SLC19A2: variants seen among roughly 807,000 people sequenced by gnomAD.
SLC19A2 encodes the protein thiamine transporter 1.
In SLC19A2, 27 loss-of-function variants were observed where a neutral mutation model predicts 44.7. That is an observed-to-expected ratio of 0.60 (90% CI 0.45 to 0.83). The LOEUF (loss-of-function observed/expected upper bound fraction) is 0.83. Among genes scored for constraint, SLC19A2 ranks in the 40% least tolerant of loss-of-function variants. The probability of loss-of-function intolerance (pLI) is 0.00; values close to 1 mark genes in which losing one functional copy is unlikely to be tolerated. For synonymous variants in SLC19A2, 239 were observed against 243.6 expected, an observed-to-expected ratio of 0.98 and a Z score of 0.18; for missense variants, 566 against 613.7, an observed-to-expected ratio of 0.92 and a Z score of 0.82.
In SLC19A2 at chr1:169,477,791, A is replaced by G. The variant is rs910954261; in HGVS notation, c.205-34T>C. ...AAGAGAAAAAAAAAAAACAAAAAAC[A>G]TTAGTGATGAAAGGACCTGGAATAC... On this transcript the variant is annotated intron_variant, in intron 1 of 5. Transcript: ENST00000236137. The G allele has an allele frequency of 2.5e-6, 4 of 1,574,126 alleles. No homozygotes were observed. In the African/African-American group the frequency reaches 4.1e-5, roughly 16 times the overall value.
At position 169,485,552 on chromosome 1, in the gene SLC19A2, G is replaced by A. The variant is rs963610917; in HGVS notation, c.204+11C>T. ...CCCGCCCTTCCCGCGCCCCGCGTCC[G>A]CCGCGCGTACCTCCCTCTCGGTCAG... On this transcript the variant is annotated intron_variant, in intron 1 of 5. Transcript: ENST00000236137. 2 of 1,578,182 alleles carry A rather than the reference G, an allele frequency of 1.3e-6. No individual in the cohort carries two copies. Among genetic ancestry groups the A allele is most frequent in the African/African-American group, 2.7e-5 (2 of 73,898 alleles).
intron 2 of SLC19A2, among the ~76,000 whole-genome samples, chr1:169,473,435 C>T (rs1202449899): frequency 6.7e-6 from 1 of 149,618 alleles, no homozygotes; most frequent in Non-Finnish European, 1.5e-5. Context: ...TAGCAGACAT[C>T]GTGTTTCACT....
rs1249588802 is a variant in SLC19A2 at position 169,464,771 on chromosome 1, A to C, written c.*1078T>G. 10 of 152,622 alleles carry C rather than the reference A, an allele frequency of 6.6e-5. No individual in the cohort carries two copies. The highest frequency in any genetic ancestry group is 6.5e-5 in the Admixed American group (1 of 15,278). 9.5% of individuals were successfully genotyped at this position (152,622 alleles called of 1,614,324 possible). On this transcript the variant is annotated 3_prime_UTR_variant, in exon 6 of 6. Coordinates refer to ENST00000236137, the MANE Select transcript of SLC19A2 (RefSeq NM_006996.3). ...AAACAAAGGCAGATTTAAGGTAAAA[A>C]AATGCAGGAATCACATCTATCCTAG...
At position 169,464,325 on chromosome 1, in the gene SLC19A2, G is replaced by C. The variant is rs79478264; in HGVS notation, c.*1524C>G. On this transcript the variant is annotated 3_prime_UTR_variant, in exon 6 of 6. Transcript: ENST00000236137. The stretch of plus-strand genomic sequence containing the variant: ...AAAACAGACAGAATGTAAAATGAAG[G>C]TTGCTACTTTTATGATATCACTTCC... The C allele has an allele frequency of 8.5e-5, 13 of 152,508 alleles. No individual in the cohort carries two copies. Among genetic ancestry groups the C allele is most frequent in the Non-Finnish European group, 1.9e-4 (13 of 67,978 alleles). 9.4% of individuals were successfully genotyped at this position (152,508 alleles called of 1,614,324 possible).
intron 2 of SLC19A2, among the ~76,000 whole-genome samples, chr1:169,474,375 GTTTAA>G (rs755802579): frequency 3.6e-4 from 55 of 152,254 alleles, no homozygotes; most frequent in Admixed American, 9.2e-4. Flanking sequence ...TAAAGAAGTG[GTTTAA>G]TTTATGTCAT....
Sources: gnomAD v4.1 joint callset for allele counts (sites outside exome capture counted in the v4.1 genomes callset) on GRCh38, gnomAD v4.1.1 for gene constraint, MANE v1.5 for transcripts, NCBI Gene and HGNC (gene_info 2026-07-23, HGNC 2026-07-21) for gene names.